The following ANO6 variants were observed in gnomAD, a reference collection of about 807,000 sequenced individuals.
The protein encoded by ANO6 is anoctamin 6.
A neutral mutation model predicts 117.5 loss-of-function variants in ANO6; 106 were observed. The ratio of observed to expected loss-of-function variants is 0.90; its 90% CI spans 0.77 to 1.06. The LOEUF is 1.06. Among genes scored for constraint, ANO6 ranks in the 50% least tolerant of loss-of-function variants. ANO6 has a pLI of 0.00. For missense variants in ANO6, 955 were observed against 1,121.1 expected (o/e 0.85, Z 2.12); for synonymous variants, 367 against 385.1 (o/e 0.95, Z 0.55).
At chr12:45,316,491 A>G (rs1009843568) in intron 2 of ANO6, among the ~76,000 whole-genome samples, 2 of 152,092 alleles carry the variant, frequency 1.3e-5, no homozygotes, top group African/African-American at 4.8e-5. Context: ...CTTTTCTTCA[A>G]TGGAATACAA....
chr12:45,431,987 A>G lies in ANO6; in HGVS notation c.*2676A>G, dbSNP rs1216912165. 2 of 985,262 alleles carry G rather than the reference A, an allele frequency of 2.0e-6. No individual in the cohort carries two copies. Among genetic ancestry groups the G allele is most frequent in the Non-Finnish European group, 2.4e-6 (2 of 829,882 alleles). The allele number at this position is 985,262 out of a possible 1,614,324, so 61.0% of individuals were successfully genotyped here. A position where few individuals can be genotyped will look rare whatever the true frequency, so the allele number is the denominator to read the frequency against. On this transcript the variant is annotated 3_prime_UTR_variant, in exon 20 of 20. Transcript: ENST00000320560. ...AAGGGAAAGCTATCATTTTTATTTT[A>G]AAACTAAACAAGGCCATCTTATAAA...
At chr12:45,300,271 C>G (rs1206912061) in intron 1 of ANO6, among the ~76,000 whole-genome samples, 1 of 152,158 alleles carries the variant, frequency 6.6e-6, no homozygotes, top group East Asian at 1.9e-4. Context: ...GCCTCAACCT[C>G]CCAGGCTCAA....
intron 2 of ANO6, chr12:45,313,239 A>G (rs1211721321): frequency 6.6e-6 from 1 of 152,050 alleles, no homozygotes; most frequent in Non-Finnish European, 1.5e-5. Flanking sequence ...AGTTGAACAT[A>G]AGATGGACTC....
In ANO6 at chr12:45,347,655, C is replaced by T. The variant is rs539635749; in HGVS notation, c.346-373C>T. 75 of 220,152 alleles carry T rather than the reference C, an allele frequency of 3.4e-4. No individual in the cohort carries two copies. In the South Asian group the frequency reaches 5.4e-3, roughly 16 times the overall value. The allele number at this position is 220,152 out of a possible 1,614,324, so 13.6% of individuals were successfully genotyped here. A position where few individuals can be genotyped will look rare whatever the true frequency, so the allele number is the denominator to read the frequency against. On this transcript the variant is annotated intron_variant, in intron 4 of 19. Coordinates refer to ENST00000320560, the MANE Select transcript of ANO6 (RefSeq NM_001025356.3). ...TGAACAGATAGACAATAAGTTCATT[C>T]GAGGTTTAGAAAATTAAAAATTTTT...
chr12:45,334,388 T>C (rs1423752458), intron 3 of ANO6, among the ~76,000 whole-genome samples: 1 of 152,098 alleles, frequency 6.6e-6, no homozygotes, highest in East Asian at 1.9e-4. Flanking sequence ...AGTCATTCCA[T>C]CCTCCTGCTC....
chr12:45,342,010 A>G (rs1940993643), intron 3 of ANO6, among the ~76,000 whole-genome samples: 1 of 152,102 alleles, frequency 6.6e-6, no homozygotes, highest in Non-Finnish European at 1.5e-5. Flanking sequence ...CCCAAAATGA[A>G]GCTGTTTTTT....
At chr12:45,323,939 T>TA (rs1344847374) in intron 2 of ANO6, among the ~76,000 whole-genome samples, 1 of 141,074 alleles carries the variant, frequency 7.1e-6, no homozygotes, top group Non-Finnish European at 1.5e-5. Context: ...TGTTGTATTT[T>TA]TTTTTTTTTT....
At position 45,388,289 on chromosome 12, in the gene ANO6, A is replaced by G; in HGVS notation, c.1294A>G (p.Asn432Asp). 6.2e-7 allele frequency: 1 copy of G among 1,614,042 alleles called. No homozygotes were observed. Among genetic ancestry groups the G allele is most frequent in the Non-Finnish European group, 8.5e-7 (1 of 1,179,926 alleles). The change falls in exon 11 of 20, where the codon AAT (asparagine) becomes GAT (aspartate). Residue 432 changes from asparagine (N) to aspartate (D), a missense_variant. Physicochemically the swap from Asn to Asp is conservative, Grantham distance 23 (BLOSUM62 1). Transcript: ENST00000320560. ...YEARCTHVVINEITQEEERIP... is the reference protein window; with the variant it reads ...YEARCTHVVIDEITQEEERIP... Reference sequence around the variant, plus strand: ...AGCACGATGTACTCACGTAGTGATAAATGAGATTACTCAGGTAAGCAGGGT... The same window carrying G: ...AGCACGATGTACTCACGTAGTGATAGATGAGATTACTCAGGTAAGCAGGGT...
At chr12:45,414,640 A>G (rs183939856) in intron 16 of ANO6, among the ~76,000 whole-genome samples, 15 of 152,308 alleles carry the variant, frequency 9.8e-5, no homozygotes, top group East Asian at 1.9e-4. Flanking sequence ...AATACACTCA[A>G]TATCTCCCAG....
intron 9 of ANO6, among the ~76,000 whole-genome samples, chr12:45,368,620 A>C (rs947422110): frequency 3.3e-5 from 5 of 152,082 alleles, no homozygotes; most frequent in Non-Finnish European, 4.4e-5. Flanking sequence ...CAGGCTGGAA[A>C]CTCTGGACAG....
intron 7 of ANO6, among the ~76,000 whole-genome samples, chr12:45,356,725 G>A (rs1210128577): frequency 1.3e-5 from 2 of 152,018 alleles, no homozygotes; most frequent in African/African-American, 4.8e-5. Flanking sequence ...GGAAAGAGGT[G>A]GAGGAAGTGG....
At chr12:45,277,572 A>G (rs1366999202) in intron 1 of ANO6, among the ~76,000 whole-genome samples, 2 of 152,080 alleles carry the variant, frequency 1.3e-5, no homozygotes, top group African/African-American at 2.4e-5. Flanking sequence ...TTACTATTTT[A>G]TTTTGATGGA....
At chr12:45,223,594 C>T (rs1317618086) in intron 1 of ANO6, among the ~76,000 whole-genome samples, 2 of 152,144 alleles carry the variant, frequency 1.3e-5, no homozygotes, top group African/African-American at 4.8e-5. Context: ...TTGTTCTATG[C>T]AGTTAGCATT....
chr12:45,329,450 A>G (rs1180368658), intron 2 of ANO6, among the ~76,000 whole-genome samples: 1 of 152,126 alleles, frequency 6.6e-6, no homozygotes, highest in Non-Finnish European at 1.5e-5. Context: ...ATAAAGGGCC[A>G]TGGTCTTGCA....
intron 1 of ANO6, among the ~76,000 whole-genome samples, chr12:45,299,872 G>GA (rs1416348321): frequency 1.3e-5 from 2 of 151,668 alleles, no homozygotes; most frequent in Non-Finnish European, 2.9e-5. Context: ...AAAAGAAAAA[G>GA]AAAAAAAATT....
At chr12:45,305,677 G>A (rs1033665818) in intron 2 of ANO6, among the ~76,000 whole-genome samples, 12 of 152,114 alleles carry the variant, frequency 7.9e-5, no homozygotes, top group African/African-American at 2.7e-4. Context: ...GTAGAGTTCC[G>A]TCTTAAAAGT....
rs562357087 is a variant in ANO6, at chr12:45,388,165, C to G, written c.1170C>G (p.Thr390=). The part of the protein sequence containing the change: ...VFAVFMGVWV[T]LFLEFWKRRQ... ...GCTCTTCTGTCTCTCTGTTAGTTACCTTGTTTTTGGAGTTTTGGAAGCGAC... is the reference window on the plus strand; with the variant it reads ...GCTCTTCTGTCTCTCTGTTAGTTACGTTGTTTTTGGAGTTTTGGAAGCGAC... The change falls in exon 11 of 20, where the codon ACC becomes ACG. Residue 390 remains threonine (T), a synonymous_variant. Transcript: ENST00000320560. 6.2e-7 allele frequency: 1 copy of G among 1,613,834 alleles called. No homozygotes were observed. Among genetic ancestry groups the G allele is most frequent in the African/African-American group, 1.3e-5 (1 of 74,992 alleles).
Position 45,281,934 on chromosome 12 carries a change from T to C in ANO6, c.71-20080T>C, listed in dbSNP as rs184027341. Among the ~76,000 whole-genome samples, 49 of 151,780 alleles carry C rather than the reference T, an allele frequency of 3.2e-4. No individual in the cohort carries two copies. The East Asian group carries it at 8.9e-3, about 28-fold the overall frequency. ...GGCAGGTGGGCGGGCGGTCAGGAGG[T>C]TGGTGCAATAGTCCCAATAACAGAT... On this transcript the variant is annotated intron_variant, in intron 1 of 19. Coordinates refer to ENST00000320560, the MANE Select transcript of ANO6 (RefSeq NM_001025356.3).
chr12:45,253,050 A>G (rs1299845156), intron 1 of ANO6, among the ~76,000 whole-genome samples: 1 of 152,182 alleles, frequency 6.6e-6, no homozygotes, highest in Non-Finnish European at 1.5e-5. Flanking sequence ...CTGGTATAAC[A>G]TTGTTTTATT....
Sources: gnomAD v4.1 joint callset for allele counts (sites outside exome capture counted in the v4.1 genomes callset) on GRCh38, gnomAD v4.1.1 for gene constraint, MANE v1.5 for transcripts, NCBI Gene and HGNC (gene_info 2026-07-23, HGNC 2026-07-21) for gene names.